The following ASPH variants were observed in gnomAD, a reference collection of about 807,000 sequenced individuals.
The protein encoded by ASPH is aspartate beta-hydroxylase.
Under a neutral mutation model 118.4 loss-of-function variants are expected in ASPH, and 100 were observed. The observed-to-expected ratio is 0.84, with a 90% CI of 0.72 to 1.00. The LOEUF (loss-of-function observed/expected upper bound fraction) is 1.00. Ranked by LOEUF, ASPH falls within the 50% of genes least tolerant of loss-of-function variation. ASPH has a pLI of 0.00. For missense variants in ASPH, 920 were observed against 919.5 expected, an observed-to-expected ratio of 1.00 and a Z score of -0.01; for synonymous variants, 315 against 325.6, an observed-to-expected ratio of 0.97 and a Z score of 0.35.
intron 14 of ASPH, among the ~76,000 whole-genome samples, chr8:61,585,937 T>C (rs572498267): frequency 1.5e-3 from 227 of 152,346 alleles, no homozygotes; most frequent in African/African-American, 5.0e-3. Flanking sequence ...ATCAGGATAG[T>C]ATATGAAGCA....
chr8:61,571,258 A>C (rs535357414), intron 16 of ASPH, among the ~76,000 whole-genome samples: 1 of 152,312 alleles, frequency 6.6e-6, no homozygotes, highest in East Asian at 1.9e-4. Context: ...GCATAGAGAT[A>C]AAAGATATTG....
chr8:61,579,228 G>A (rs1563896939), intron 15 of ASPH: 2 of 1,613,680 alleles, frequency 1.2e-6, no homozygotes, highest in Non-Finnish European at 8.5e-7. Context: ...CGCCATTGCA[G>A]ATGCCGAGCA....
chr8:61,570,436 G>A (rs938572079), intron 16 of ASPH, among the ~76,000 whole-genome samples: 15 of 152,074 alleles, frequency 9.9e-5, no homozygotes, highest in African/African-American at 3.4e-4. Flanking sequence ...TTAGTGGGAG[G>A]ACAAATGCCT....
In ASPH at chr8:61,605,426, A is replaced by G. The variant is rs142336552; in HGVS notation, c.976+13552T>C. ...GCACGAAAAATGCAGGAGTGCAGGT[A>G]GAATTATCTCCATGTTTTATACATG... On this transcript the variant is annotated intron_variant, in intron 14 of 24. Transcript: ENST00000379454. Among the ~76,000 whole-genome samples, 65 of 152,388 alleles carry G rather than the reference A, an allele frequency of 4.3e-4. 2 individuals carry two copies. The highest frequency in any genetic ancestry group is 1.3e-3 in the African/African-American group (56 of 41,590).
intron 13 of ASPH, among the ~76,000 whole-genome samples, chr8:61,630,983 A>C (rs1422017553): frequency 1.3e-5 from 2 of 152,114 alleles, no homozygotes; most frequent in Non-Finnish European, 2.9e-5. Flanking sequence ...TGCAGGCCTA[A>C]GCTAATATGT....
At chr8:61,535,006 G>A (rs556804367) in intron 21 of ASPH, among the ~76,000 whole-genome samples, 62 of 152,310 alleles carry the variant, frequency 4.1e-4, no homozygotes, top group African/African-American at 1.5e-3. Context: ...TTTCCTTGGC[G>A]GACATGCATC....
intron 14 of ASPH, among the ~76,000 whole-genome samples, chr8:61,595,294 G>T (rs1260887864): frequency 6.6e-6 from 1 of 152,174 alleles, no homozygotes. Context: ...AAATAGTTAA[G>T]TTTACTTGAG....
At chr8:61,525,955 C>T (rs1756702543) in intron 22 of ASPH, 22 bp downstream of exon 22, 1 of 1,612,888 alleles carries the variant, frequency 6.2e-7, no homozygotes, top group Non-Finnish European at 8.5e-7. Flanking sequence ...TGCAGAGAAC[C>T]ATCTAGAAGT....
chr8:61,648,351 C>T (rs1400759745), intron 5 of ASPH, among the ~76,000 whole-genome samples: 2 of 152,150 alleles, frequency 1.3e-5, no homozygotes, highest in African/African-American at 4.8e-5. Context: ...AGGCAATGCT[C>T]TCAGGTGTTA....
At chr8:61,639,090 G>C (rs554627797) in intron 10 of ASPH, among the ~76,000 whole-genome samples, 50 of 152,310 alleles carry the variant, frequency 3.3e-4, no homozygotes, top group African/African-American at 1.1e-3. Context: ...AGGGAACAAT[G>C]TTTAATAGGT....
At chr8:61,562,387 G>GTA (rs1830271939) in intron 18 of ASPH, among the ~76,000 whole-genome samples, 1 of 99,508 alleles carries the variant, frequency 1.0e-5, no homozygotes, top group Non-Finnish European at 2.1e-5. Context: ...AGGAAAGTGT[G>GTA]TCTGTGTGTG....
At position 61,644,189 on chromosome 8, in the gene ASPH, A is replaced by AG. The variant is rs1320571407; in HGVS notation, c.653-189dup. Among the ~76,000 whole-genome samples the AG allele has an allele frequency of 7.9e-5, 12 of 152,386 alleles. 1 individual carries two copies. Among genetic ancestry groups the AG allele is most frequent in the African/African-American group, 2.6e-4 (11 of 41,598 alleles). On this transcript the variant is annotated intron_variant, in intron 7 of 24. Transcript: ENST00000379454. ...TAAATGCCAAATGCAAAGATGAGTA[A>AG]GGGGGGCCTGTCATCAACTGGTTTA...
Position 61,517,566 on chromosome 8 carries a change from G to T in ASPH, c.2088C>A (p.Pro696=). The change falls in exon 24 of 25, where the codon CCC becomes CCA. Residue 696 remains proline, a synonymous_variant. Coordinates refer to ENST00000379454, the MANE Select transcript of ASPH (RefSeq NM_004318.4). ...RLRMHLGLVI[P]KEGCKIRCAN... Reference sequence around the variant, plus strand: ...CACATCGAATCTTGCAGCCTTCCTTGGGAATCACCAAGCCCAGGTGCATTC... The same window carrying T: ...CACATCGAATCTTGCAGCCTTCCTTTGGAATCACCAAGCCCAGGTGCATTC... The T allele has an allele frequency of 6.2e-7, 1 of 1,614,124 alleles. No homozygotes were observed. The highest frequency in any genetic ancestry group is 8.5e-7 in the Non-Finnish European group (1 of 1,179,984).
intron 3 of ASPH, chr8:61,658,536 A>G (rs1270098080): frequency 6.6e-6 from 1 of 152,174 alleles, no homozygotes; most frequent in African/African-American, 2.4e-5. Context: ...TTTGAATTCT[A>G]TCTCAGTGTT....
rs1323723737 is a variant in ASPH, at chr8:61,607,180, T to C, written c.976+11798A>G. On this transcript the variant is annotated intron_variant, in intron 14 of 24. Coordinates refer to ENST00000379454, the MANE Select transcript of ASPH (RefSeq NM_004318.4). ...CCTATATATTTGGCAAACTAATGCATCATCCTTCTTAGCTAGAAGCTGTTA... is the reference window on the plus strand; with the variant it reads ...CCTATATATTTGGCAAACTAATGCACCATCCTTCTTAGCTAGAAGCTGTTA... 6 of 667,412 alleles carry C rather than the reference T, an allele frequency of 9.0e-6. No individual in the cohort carries two copies. In the East Asian group the frequency reaches 1.4e-4, roughly 15 times the overall value. 41.3% of individuals were successfully genotyped at this position (667,412 alleles called of 1,614,324 possible).
intron 16 of ASPH, among the ~76,000 whole-genome samples, chr8:61,571,367 C>G (rs964841987): frequency 2.0e-5 from 3 of 152,118 alleles, no homozygotes; most frequent in African/African-American, 7.2e-5. Context: ...ACCATCACTG[C>G]CGCACTGCAA....
At position 61,642,462 on chromosome 8, in the gene ASPH, G is replaced by A. The variant is rs1397119433; in HGVS notation, c.790+426C>T. On this transcript the variant is annotated intron_variant, in intron 10 of 24. Coordinates refer to ENST00000379454, the MANE Select transcript of ASPH (RefSeq NM_004318.4). Reference sequence around the variant, plus strand: ...CCAAGTGAATTCTTTGAACGCTACCGTTCATCTGGATGTTTTAAGTTGCAA... The same window carrying A: ...CCAAGTGAATTCTTTGAACGCTACCATTCATCTGGATGTTTTAAGTTGCAA... Among the ~76,000 whole-genome samples, 13 of 152,198 alleles carry A rather than the reference G, an allele frequency of 8.5e-5. No homozygotes were observed. The East Asian group carries it at 9.6e-4, about 11-fold the overall frequency.
chr8:61,643,260 C>G, intron 9 of ASPH, 126 bp downstream of exon 9: 1 of 891,174 alleles, frequency 1.1e-6, no homozygotes, highest in Non-Finnish European at 1.7e-6. Flanking sequence ...AAAACAAAAT[C>G]TCATGCATTA....
At chr8:61,628,156 A>G (rs898461887) in intron 13 of ASPH, among the ~76,000 whole-genome samples, 1 of 151,416 alleles carries the variant, frequency 6.6e-6, no homozygotes, top group Non-Finnish European at 1.5e-5. Context: ...TTTTTAGGCA[A>G]AGATCCAAAC....
Sources: allele counts gnomAD v4.1 joint callset (sites outside exome capture counted in the v4.1 genomes callset), GRCh38; gene constraint gnomAD v4.1.1; transcripts MANE v1.5; gene names NCBI Gene and HGNC (gene_info 2026-07-23, HGNC 2026-07-21).